The following KLF3 variants were observed in gnomAD, a reference collection of about 807,000 sequenced individuals.
KLF3 encodes the protein Krueppel-like factor 3.
A neutral mutation model predicts 32.7 loss-of-function variants in KLF3; 6 were observed. That is an observed-to-expected ratio of 0.18 (90% confidence interval 0.10 to 0.36). The LOEUF (loss-of-function observed/expected upper bound fraction) is 0.36. KLF3 is among the 10% of genes least tolerant of loss of function. The pLI is 1.00. For synonymous variants in KLF3, 145 were observed against 172.8 expected, an observed-to-expected ratio of 0.84 and a Z score of 1.26; for missense variants, 338 against 449.7, an observed-to-expected ratio of 0.75 and a Z score of 2.25.
At chr4:38,683,603 T>C (rs1722600684) in intron 2 of KLF3, among the ~76,000 whole-genome samples, 1 of 151,138 alleles carries the variant, frequency 6.6e-6, no homozygotes, top group South Asian at 2.1e-4. Flanking sequence ...TATGAAACTG[T>C]GTGTAAAAAA....
intron 1 of KLF3, among the ~76,000 whole-genome samples, chr4:38,666,080 C>G (rs146971559): frequency 8.8e-4 from 134 of 152,292 alleles, no homozygotes; most frequent in African/African-American, 3.1e-3. Context: ...ATCTTCATTT[C>G]TGCAGTCAGT....
intron 4 of KLF3, 78 bp from the exon 5 acceptor site, chr4:38,694,668 T>G: frequency 1.3e-5 from 16 of 1,267,102 alleles, no homozygotes; most frequent in Non-Finnish European, 1.7e-5. Context: ...TTGCCCAGTG[T>G]TGTTAATGCT....
At chr4:38,677,987 A>T (rs1332373962) in intron 1 of KLF3, among the ~76,000 whole-genome samples, 1 of 151,914 alleles carries the variant, frequency 6.6e-6, no homozygotes, top group Non-Finnish European at 1.5e-5. Flanking sequence ...TTTACAAATG[A>T]TCACTCTTGC....
intron 4 of KLF3, among the ~76,000 whole-genome samples, chr4:38,694,289 A>G (rs1210101643): frequency 2.0e-5 from 3 of 152,186 alleles, no homozygotes; most frequent in African/African-American, 7.2e-5. Context: ...CTAGCCAACA[A>G]TAATGAAAAT....
intron 1 of KLF3, among the ~76,000 whole-genome samples, chr4:38,678,758 T>C (rs942069804): frequency 2.6e-5 from 4 of 152,144 alleles, no homozygotes; most frequent in African/African-American, 9.7e-5. Flanking sequence ...CAAGAAGGAA[T>C]CCAGAACCCG....
intron 1 of KLF3, among the ~76,000 whole-genome samples, chr4:38,678,871 G>T (rs1213338089): frequency 2.0e-5 from 3 of 152,318 alleles, no homozygotes; most frequent in South Asian, 4.1e-4. Flanking sequence ...CCAAAGCACT[G>T]AGCACTTAAA....
At chr4:38,665,486 C>G (rs1560411392) in intron 1 of KLF3, among the ~76,000 whole-genome samples, 1 of 152,086 alleles carries the variant, frequency 6.6e-6, no homozygotes, top group Admixed American at 6.5e-5. Context: ...TACAATAATA[C>G]TAGAAGAATG....
rs568004102 is a variant in KLF3, at chr4:38,675,017, T to C, written c.-39-5570T>C. ...CCCCGCTCCCCACTCCATAAAGCCA[T>C]TGTGCATAGGTCTCAGACACCACTG... On this transcript the variant is annotated intron_variant, in intron 1 of 5. Transcript: ENST00000261438. 2.6e-4 allele frequency among the ~76,000 whole-genome samples: 40 copies of C among 152,344 alleles called. No individual in the cohort carries two copies. In the South Asian group the frequency reaches 4.2e-3, roughly 16 times the overall value.
chr4:38,679,502 A>G (rs1262917274), intron 1 of KLF3, among the ~76,000 whole-genome samples: 1 of 152,218 alleles, frequency 6.6e-6, no homozygotes, highest in Non-Finnish European at 1.5e-5. Context: ...TGGGAAATGT[A>G]TATACTTCTC....
chr4:38,689,063 G>C lies in KLF3; in HGVS notation c.536G>C (p.Ser179Thr), dbSNP rs767398463. 6.2e-7 allele frequency: 1 copy of C among 1,612,924 alleles called. No homozygotes were observed. Among genetic ancestry groups the C allele is most frequent in the Non-Finnish European group, 8.5e-7 (1 of 1,179,002 alleles). ...GAGGAGATGGAAAATTCCAGTAGTA[G>C]CATGCAAGGTAAATTCCGCCACTGC... ...LSEEMENSSS[S>T]MQVPVIESYE... is the part of the protein sequence containing the mutation. The change falls in exon 3 of 6, where the codon AGC becomes ACC. Residue 179 changes from serine (S) to threonine (T), a missense_variant. Ser to Thr is a moderately conservative substitution (Grantham distance 58). Transcript: ENST00000261438.
chr4:38,688,264 C>T lies in KLF3; in HGVS notation c.58-321C>T, dbSNP rs1722760898. On this transcript the variant is annotated intron_variant, in intron 2 of 5. Coordinates refer to ENST00000261438, the MANE Select transcript of KLF3 (RefSeq NM_016531.6). The surrounding 1 kb of genome is among the most constrained non-coding windows in gnomAD (Gnocchi z 4.9). ...AATGGCCCCCAAGCCTGTGCTATCA[C>T]CTGTCTTAGAATTTTGCCAGGTATC... Among the ~76,000 whole-genome samples the T allele has an allele frequency of 6.6e-6, 1 of 152,194 alleles. No individual in the cohort carries two copies. Among genetic ancestry groups the T allele is most frequent in the African/African-American group, 2.4e-5 (1 of 41,448 alleles).
At chr4:38,672,839 G>A (rs886146999) in intron 1 of KLF3, among the ~76,000 whole-genome samples, 2 of 152,134 alleles carry the variant, frequency 1.3e-5, no homozygotes, top group African/African-American at 2.4e-5. Context: ...GGTGGGAGGC[G>A]CTGAGGGCCT....
chr4:38,677,208 G>A (rs189182245), intron 1 of KLF3, among the ~76,000 whole-genome samples: 186 of 152,034 alleles, frequency 1.2e-3, no homozygotes, highest in African/African-American at 4.2e-3. Flanking sequence ...TGATCCACCC[G>A]CCTCGGCCTC....
At chr4:38,665,673 G>A (rs1722010513) in intron 1 of KLF3, among the ~76,000 whole-genome samples, 1 of 152,144 alleles carries the variant, frequency 6.6e-6, no homozygotes, top group Admixed American at 6.5e-5. Flanking sequence ...TCTCACAAGA[G>A]TCTGGTATAT....
At position 38,699,912 on chromosome 4, in the gene KLF3, A is replaced by G. The variant is rs1366907886; in HGVS notation, c.*2649A>G. On this transcript the variant is annotated 3_prime_UTR_variant, in exon 6 of 6. Coordinates refer to ENST00000261438, the MANE Select transcript of KLF3 (RefSeq NM_016531.6). Reference sequence around the variant, plus strand: ...TGGAAGACCTCAAATACAAGATTAGATGCCCTTGAACATGTTTTAATGATG... The same window carrying G: ...TGGAAGACCTCAAATACAAGATTAGGTGCCCTTGAACATGTTTTAATGATG... The G allele has an allele frequency of 6.6e-6, 1 of 152,248 alleles. No individual in the cohort carries two copies. The highest frequency in any genetic ancestry group is 1.5e-5 in the Non-Finnish European group (1 of 68,044). The allele number at this position is 152,248 out of a possible 1,614,324, so 9.4% of individuals were successfully genotyped here.
intron 3 of KLF3, among the ~76,000 whole-genome samples, chr4:38,689,369 G>A (rs1722806867): frequency 6.6e-6 from 1 of 152,206 alleles, no homozygotes; most frequent in African/African-American, 2.4e-5. Context: ...ATGGTTCTAG[G>A]TACAAAAGGC....
chr4:38,690,002 G>C, intron 4 of KLF3, 123 bp downstream of exon 4: 1 of 901,404 alleles, frequency 1.1e-6, no homozygotes, highest in Non-Finnish European at 1.7e-6. Flanking sequence ...TGTGATCTGT[G>C]GCCGCCACTG....
intron 2 of KLF3, 110 bp downstream of exon 2, chr4:38,680,792 T>C (rs911974688): frequency 1.1e-5 from 9 of 811,164 alleles, no homozygotes; most frequent in African/African-American, 1.0e-4. Flanking sequence ...GGCTCACGCC[T>C]GTAATCCCAG....
At chr4:38,696,734 C>T (rs1386601065) in intron 5 of KLF3, among the ~76,000 whole-genome samples, 2 of 152,194 alleles carry the variant, frequency 1.3e-5, no homozygotes, top group African/African-American at 2.4e-5. Flanking sequence ...ATGAATAGCA[C>T]TGCATATAAT....
Sources: gnomAD v4.1 joint callset for allele counts (sites outside exome capture counted in the v4.1 genomes callset) on GRCh38, gnomAD v4.1.1 for gene constraint, Gnocchi (gnomAD v3.1) non-coding constraint, MANE v1.5 for transcripts, NCBI Gene and HGNC (gene_info 2026-07-23, HGNC 2026-07-21) for gene names.